The following HPSE2 variants were observed in gnomAD, a reference collection of about 807,000 sequenced individuals.
HPSE2 encodes inactive heparanase-2.
In HPSE2, 38 loss-of-function variants were observed where a neutral mutation model predicts 60.5. The ratio of observed to expected loss-of-function variants is 0.63; its 90% CI spans 0.48 to 0.82. HPSE2 has a LOEUF of 0.82. Ranked by LOEUF, HPSE2 falls within the 40% of genes least tolerant of loss-of-function variation. The pLI is 0.00. For synonymous variants in HPSE2, 295 were observed against 293.2 expected (o/e 1.01, Z -0.06); for missense variants, 713 against 740.4 (o/e 0.96, Z 0.43).
chr10:98,953,817 T>C (rs1268691948), intron 3 of HPSE2, among the ~76,000 whole-genome samples: 2 of 152,148 alleles, frequency 1.3e-5, no homozygotes, highest in South Asian at 2.1e-4. Flanking sequence ...CTACGCAACA[T>C]TGAATACTCT....
intron 2 of HPSE2, among the ~76,000 whole-genome samples, chr10:99,211,859 T>A (rs139096935): frequency 2.8e-4 from 42 of 152,162 alleles, no homozygotes; most frequent in African/African-American, 9.9e-4. Context: ...TGGGATTACA[T>A]CAAACTAAAA....
At chr10:99,283,028 C>CA in the HPSE2 span, among the ~76,000 whole-genome samples, 1 of 151,108 alleles carries the variant, frequency 6.6e-6, no homozygotes, top group African/African-American at 2.4e-5. Flanking sequence ...ACTAAAAATA[C>CA]AAAAAAAATT....
intron 2 of HPSE2, among the ~76,000 whole-genome samples, chr10:99,144,994 A>T (rs1425765313): frequency 1.3e-5 from 2 of 152,134 alleles, no homozygotes; most frequent in African/African-American, 4.8e-5. Flanking sequence ...ATTCTTTCAA[A>T]CCAAAAATAT....
chr10:98,610,536 G>T (rs1387729064), intron 9 of HPSE2, among the ~76,000 whole-genome samples: 2 of 152,140 alleles, frequency 1.3e-5, no homozygotes, highest in Non-Finnish European at 2.9e-5. Context: ...TGCACAGCAG[G>T]CACTCAATAA....
Position 98,744,044 on chromosome 10 carries a change from T to C in HPSE2, c.623A>G (p.Asp208Gly). 1 of 1,614,040 alleles carries C rather than the reference T, an allele frequency of 6.2e-7. No homozygotes were observed. Among genetic ancestry groups the C allele is most frequent in the Non-Finnish European group, 8.5e-7 (1 of 1,179,978 alleles). The change falls in exon 4 of 12, where the codon GAC becomes GGC. Residue 208 changes from aspartate to glycine, a missense_variant. Transcript: ENST00000370552. ...GCAATCAGCAAAGTTATAAAGTTTG[T>C]CTAGAGACCTGGCTGGGAAGAAGCA... ...SNLILTARSL[D>G]KLYNFADCSG...
chr10:98,892,833 T>C (rs1215780814), intron 3 of HPSE2, among the ~76,000 whole-genome samples: 2 of 152,114 alleles, frequency 1.3e-5, no homozygotes, highest in East Asian at 1.9e-4. Flanking sequence ...GCTATTAACA[T>C]TGTGGTTTTT....
rs1041136844 is a variant in HPSE2, at chr10:99,209,848, C to T, written c.448+22500G>A. ...GGGACTACAGGTGCATGCCACCACG[C>T]CTGGCTAATTTTTGTATTTTTAGTG... On this transcript the variant is annotated intron_variant, in intron 2 of 11. Coordinates refer to ENST00000370552, the MANE Select transcript of HPSE2 (RefSeq NM_021828.5). Among the ~76,000 whole-genome samples, 10 of 152,126 alleles carry T rather than the reference C, an allele frequency of 6.6e-5. No homozygotes were observed. In the South Asian group the frequency reaches 1.9e-3, roughly 28 times the overall value.
chr10:98,831,955 A>T (rs1951693627), intron 3 of HPSE2, among the ~76,000 whole-genome samples: 2 of 152,208 alleles, frequency 1.3e-5, no homozygotes, highest in African/African-American at 4.8e-5. Context: ...AGGTTGGATA[A>T]TGACCGCTGA....
intron 3 of HPSE2, among the ~76,000 whole-genome samples, chr10:98,851,829 A>G (rs1952180286): frequency 6.6e-6 from 1 of 152,230 alleles, no homozygotes; most frequent in Admixed American, 6.5e-5. Context: ...ACAACTAAGT[A>G]TCCTAAGTAA....
chr10:98,652,546 C>T (rs960284950), intron 6 of HPSE2, among the ~76,000 whole-genome samples: 6 of 152,188 alleles, frequency 3.9e-5, no homozygotes, highest in Admixed American at 3.3e-4. Context: ...TACCCCCTGC[C>T]CATTCCCAAT....
chr10:98,989,865 TG>T (rs990858734), intron 3 of HPSE2, among the ~76,000 whole-genome samples: 1 of 152,194 alleles, frequency 6.6e-6, no homozygotes, highest in African/African-American at 2.4e-5. Context: ...AGCTTTCTTT[TG>T]TTGGCATTCT....
chr10:98,827,574 A>G (rs964287056), intron 3 of HPSE2, among the ~76,000 whole-genome samples: 3 of 152,210 alleles, frequency 2.0e-5, no homozygotes, highest in Admixed American at 6.5e-5. Context: ...CTTCAACAGA[A>G]AAGGGCAGAA....
chr10:99,124,367 C>A (rs1266701654), intron 3 of HPSE2, among the ~76,000 whole-genome samples: 1 of 152,234 alleles, frequency 6.6e-6, no homozygotes, highest in East Asian at 1.9e-4. Context: ...ATGCTTCAGG[C>A]AATTCCTGGC....
chr10:99,252,924 AG>A, the HPSE2 span, among the ~76,000 whole-genome samples: 1 of 151,738 alleles, frequency 6.6e-6, no homozygotes, highest in African/African-American at 2.4e-5. Flanking sequence ...TATCTGACCA[AG>A]GAGGTGAAAG....
At chr10:98,846,510 G>A (rs1333419328) in intron 3 of HPSE2, among the ~76,000 whole-genome samples, 1 of 152,120 alleles carries the variant, frequency 6.6e-6, no homozygotes, top group African/African-American at 2.4e-5. Flanking sequence ...TTGTTGTTGA[G>A]GCAACCCAGG....
chr10:98,806,613 A>T (rs1951046826), intron 3 of HPSE2, among the ~76,000 whole-genome samples: 1 of 152,222 alleles, frequency 6.6e-6, no homozygotes, highest in South Asian at 2.1e-4. Flanking sequence ...GAAAAACAAC[A>T]GATAGTAAAA....
chr10:99,154,872 G>C (rs1265420309), intron 2 of HPSE2, among the ~76,000 whole-genome samples: 6 of 152,034 alleles, frequency 3.9e-5, no homozygotes, highest in Admixed American at 3.9e-4. Context: ...CACGTGCAGA[G>C]ACACACATAG....
the HPSE2 span, among the ~76,000 whole-genome samples, chr10:99,250,254 G>C: frequency 6.6e-6 from 1 of 151,968 alleles, no homozygotes; most frequent in Non-Finnish European, 1.5e-5. Flanking sequence ...AATTTCCTGA[G>C]GCCTCCCCAA....
intron 3 of HPSE2, among the ~76,000 whole-genome samples, chr10:99,131,638 A>C (rs1272830829): frequency 6.6e-6 from 1 of 152,210 alleles, no homozygotes; most frequent in African/African-American, 2.4e-5. Context: ...GAAGTAACTC[A>C]GGGATTGGAA....
Sources: gnomAD v4.1 joint callset for allele counts (sites outside exome capture counted in the v4.1 genomes callset) on GRCh38, gnomAD v4.1.1 for gene constraint, MANE v1.5 for transcripts, NCBI Gene and HGNC (gene_info 2026-07-23, HGNC 2026-07-21) for gene names.